SLC25A51: variants seen among roughly 807,000 people sequenced by gnomAD.
The protein encoded by SLC25A51 is mitochondrial nicotinamide adenine dinucleotide transporter SLC25A51.
In SLC25A51, 11 loss-of-function variants were observed where a neutral mutation model predicts 19.1. The ratio of observed to expected loss-of-function variants is 0.58; its 90% CI spans 0.36 to 0.96. SLC25A51 has a LOEUF of 0.96. Ranked by LOEUF, SLC25A51 falls within the 40% of genes least tolerant of loss-of-function variation. The pLI, the probability that SLC25A51 is intolerant of heterozygous loss-of-function variation, is 0.01. For synonymous variants in SLC25A51, 105 were observed against 133.6 expected (o/e 0.79, Z 1.47); for missense variants, 201 against 365.4 (o/e 0.55, Z 3.67).
intron 2 of SLC25A51, chr9:37,881,635 T>TCAAA (rs146221137): frequency 9.2e-5 from 14 of 152,120 alleles, no homozygotes; most frequent in Admixed American, 3.9e-4. Flanking sequence ...AGAAACCCTG[T>TCAAA]CAAACAAACA....
chr9:37,878,531 CA>C (rs1831294791), downstream of SLC25A51: 1 of 184,166 alleles, frequency 5.4e-6, no homozygotes, highest in East Asian at 1.4e-4. Flanking sequence ...GTGGTCTAGG[CA>C]ACAGCTAATT....
chr9:37,899,349 A>G (rs1831792289), intron 2 of SLC25A51, among the ~76,000 whole-genome samples: 1 of 152,074 alleles, frequency 6.6e-6, no homozygotes, highest in South Asian at 2.1e-4. Context: ...TTAAAATTTC[A>G]TATTACTGTT....
At chr9:37,881,291 G>A (rs759904573) in intron 3 of SLC25A51, among the ~76,000 whole-genome samples, 15 of 152,028 alleles carry the variant, frequency 9.9e-5, no homozygotes, top group African/African-American at 4.8e-5. Context: ...ACAACAGAAA[G>A]TACTGATAAG....
At chr9:37,885,968 A>T, downstream of SLC25A51, 1 of 1,613,788 alleles carries the variant, frequency 6.2e-7, no homozygotes, top group Non-Finnish European at 8.5e-7. Context: ...CAACAGGGTC[A>T]CTTGGATTGT....
At chr9:37,890,431 C>T (rs910035576) in intron 2 of SLC25A51, among the ~76,000 whole-genome samples, 1 of 152,000 alleles carries the variant, frequency 6.6e-6, no homozygotes. Context: ...TAGTCAGGCG[C>T]AGTGGCTCAC....
At chr9:37,883,670 C>T (rs959398240), downstream of SLC25A51, among the ~76,000 whole-genome samples, 5 of 152,236 alleles carry the variant, frequency 3.3e-5, no homozygotes, top group African/African-American at 1.2e-4. Context: ...CAAAGTCACA[C>T]GCATGATTGA....
At chr9:37,899,347 T>C (rs1309069923) in intron 2 of SLC25A51, among the ~76,000 whole-genome samples, 43 of 152,208 alleles carry the variant, frequency 2.8e-4, no homozygotes, top group Admixed American at 2.8e-3. Context: ...TTTTAAAATT[T>C]CATATTACTG....
chr9:37,901,338 C>T lies in SLC25A51; in HGVS notation c.-164-1388G>A, dbSNP rs143272946. On this transcript the variant is annotated intron_variant, in intron 1 of 2. Transcript: ENST00000242275. Reference sequence around the variant, plus strand: ...GCATGCCACAATACCCGGCTAATTTCTGTATTTTTAGTGGAGACGGGGTTT... The same window carrying T: ...GCATGCCACAATACCCGGCTAATTTTTGTATTTTTAGTGGAGACGGGGTTT... Among the ~76,000 whole-genome samples, 382 of 151,502 alleles carry T rather than the reference C, an allele frequency of 2.5e-3. 2 individuals are homozygous for T. The highest frequency in any genetic ancestry group is 6.8e-3 in the Admixed American group (103 of 15,214).
At chr9:37,898,474 G>A (rs1831770421) in intron 2 of SLC25A51, among the ~76,000 whole-genome samples, 1 of 152,100 alleles carries the variant, frequency 6.6e-6, no homozygotes, top group South Asian at 2.1e-4. Context: ...AGAATTGCTT[G>A]AACCTCGGAG....
intron 2 of SLC25A51, among the ~76,000 whole-genome samples, chr9:37,894,248 C>A (rs1300167275): frequency 2.0e-5 from 3 of 151,860 alleles, no homozygotes; most frequent in African/African-American, 7.3e-5. Flanking sequence ...AAAAGATATA[C>A]ATTTTTAATT....
intron 2 of SLC25A51, among the ~76,000 whole-genome samples, chr9:37,891,848 T>TA (rs5897703): frequency 0.56 from 48,880 of 87,456 alleles, 11,485 homozygotes; most frequent in South Asian, 0.66. Context: ...CCAAGAATGA[T>TA]AAAAAAAAAA....
downstream of SLC25A51, among the ~76,000 whole-genome samples, chr9:37,882,946 C>T (rs1345268188): frequency 1.3e-5 from 2 of 152,168 alleles, no homozygotes; most frequent in African/African-American, 4.8e-5. Context: ...CAGGTTCAAG[C>T]GATTCTCCTG....
At chr9:37,890,688 C>T (rs1323438091) in intron 2 of SLC25A51, among the ~76,000 whole-genome samples, 1 of 148,126 alleles carries the variant, frequency 6.8e-6, no homozygotes, top group Non-Finnish European at 1.5e-5. Context: ...AGAGTAATAC[C>T]CTGCTTTAAA....
chr9:37,890,986 G>C (rs1395418434), intron 2 of SLC25A51, among the ~76,000 whole-genome samples: 1 of 152,016 alleles, frequency 6.6e-6, no homozygotes, highest in Non-Finnish European at 1.5e-5. Flanking sequence ...CAACACTCAG[G>C]ACAAAAGATG....
downstream of SLC25A51, chr9:37,885,583 G>A: frequency 1.4e-6 from 1 of 699,098 alleles, no homozygotes; most frequent in Non-Finnish European, 2.6e-6. Flanking sequence ...TAGAGATGGG[G>A]TTTCACTGTG....
chr9:37,887,692 T>C lies in SLC25A51; in HGVS notation c.859A>G (p.Asn287Asp), dbSNP rs1484974465. Reference sequence around the variant, plus strand: ...TTTAACAAGAACTCATAAGTTGCATTGATTATGCCCCAAGAGATGAGGGAC... The same window carrying C: ...TTTAACAAGAACTCATAAGTTGCATCGATTATGCCCCAAGAGATGAGGGAC... ...HRSLISWGII[N>D]ATYEFLLKVI The change falls in exon 3 of 3, where the codon AAT (asparagine) becomes GAT (aspartate). Residue 287 changes from asparagine to aspartate, a missense_variant. Physicochemically the swap from Asn to Asp is conservative, Grantham distance 23 (BLOSUM62 1). Transcript: ENST00000242275. The C allele has an allele frequency of 6.2e-7, 1 of 1,611,802 alleles. No individual in the cohort carries two copies. Among genetic ancestry groups the C allele is most frequent in the South Asian group, 1.1e-5 (1 of 90,658 alleles).
At chr9:37,900,129 C>G (rs1015664351) in intron 1 of SLC25A51, among the ~76,000 whole-genome samples, 179 bp from the exon 2 acceptor site, 28 of 150,286 alleles carry the variant, frequency 1.9e-4, no homozygotes, top group Admixed American at 2.0e-4. Context: ...TGAGCCACTG[C>G]TCCCAGCCTA....
Position 37,888,063 on chromosome 9 carries a change from G to A in SLC25A51, c.488C>T (p.Ala163Val), listed in dbSNP as rs1039458118. Reference sequence around the variant, plus strand: ...CTCTCCAATTCCATGACATTTCAGTGCCTTGAAAGCCTGGTAAGTGTTGGT... The same window carrying A: ...CTCTCCAATTCCATGACATTTCAGTACCTTGAAAGCCTGGTAAGTGTTGGT... ...KFTNTYQAFK[A>V]LKCHGIGEYY... is the part of the protein sequence containing the mutation. The change falls in exon 3 of 3, where the codon GCA becomes GTA. Residue 163 changes from alanine (A) to valine (V), a missense_variant. By Grantham distance (64) the Ala-to-Val change is moderately conservative (BLOSUM62 0). Transcript: ENST00000242275. 1 of 1,613,648 alleles carries A rather than the reference G, an allele frequency of 6.2e-7. No individual in the cohort carries two copies. Among genetic ancestry groups the A allele is most frequent in the Non-Finnish European group, 8.5e-7 (1 of 1,179,872 alleles).
intron 1 of SLC25A51, among the ~76,000 whole-genome samples, chr9:37,902,370 A>G (rs1831866583): frequency 6.6e-6 from 1 of 152,258 alleles, no homozygotes; most frequent in South Asian, 2.1e-4. Flanking sequence ...TTTTAAGAAC[A>G]TTACTGTACA....
Sources: allele counts gnomAD v4.1 joint callset (sites outside exome capture counted in the v4.1 genomes callset), GRCh38; gene constraint gnomAD v4.1.1; transcripts MANE v1.5; gene names NCBI Gene and HGNC (gene_info 2026-07-23, HGNC 2026-07-21).